Variants in CCDC112 observed in about 807,000 individuals in gnomAD.
CCDC112 encodes coiled-coil domain-containing protein 112.
CCDC112 carries 40 observed loss-of-function variants against 66.3 expected under a neutral mutation model. The ratio of observed to expected loss-of-function variants is 0.60; its 90% CI spans 0.47 to 0.79. The LOEUF (loss-of-function observed/expected upper bound fraction) is 0.79. Among genes scored for constraint, CCDC112 ranks in the 30% least tolerant of loss-of-function variants. CCDC112 has a pLI of 0.00. For synonymous variants in CCDC112, 214 were observed against 197.2 expected (o/e 1.09, Z -0.71); for missense variants, 659 against 603.8 (o/e 1.09, Z -0.96).
At chr5:115,295,635 G>A (rs1205226123) in intron 1 of CCDC112, among the ~76,000 whole-genome samples, 2 of 152,102 alleles carry the variant, frequency 1.3e-5, no homozygotes, top group African/African-American at 2.4e-5. Context: ...TACACAACAG[G>A]CATAGTTCTT....
rs572918253 is a variant in CCDC112, at chr5:115,289,126, T to C, written c.118-4218A>G. 3.7e-4 allele frequency: 83 copies of C among 222,026 alleles called. No individual in the cohort carries two copies. The South Asian group carries it at 4.9e-3, about 13-fold the overall frequency. The allele number at this position is 222,026 out of a possible 1,614,324, so 13.8% of individuals were successfully genotyped here. On this transcript the variant is annotated intron_variant, in intron 1 of 9. Coordinates refer to ENST00000379611, the MANE Select transcript of CCDC112 (RefSeq NM_001040440.3). ...CTGCAGATAAGTCTTCTTTAGTTTA[T>C]TGGTTAGCCACTTTGGCCAGTTTTC... is the stretch of plus-strand genomic sequence containing the variant.
intron 1 of CCDC112, among the ~76,000 whole-genome samples, chr5:115,286,290 C>T (rs1274609929): frequency 1.3e-5 from 2 of 152,108 alleles, no homozygotes; most frequent in African/African-American, 4.8e-5. Flanking sequence ...TATAAATGGG[C>T]TCATACAATG....
At chr5:115,274,918 T>C (rs952358030) in intron 6 of CCDC112, among the ~76,000 whole-genome samples, 4 of 152,142 alleles carry the variant, frequency 2.6e-5, no homozygotes, top group Non-Finnish European at 5.9e-5. Flanking sequence ...TTTTTCTGTA[T>C]TTTTTGTAGA....
At chr5:115,281,054 C>T (rs1452519303) in intron 2 of CCDC112, among the ~76,000 whole-genome samples, 1 of 143,820 alleles carries the variant, frequency 7.0e-6, no homozygotes, top group South Asian at 2.3e-4. Flanking sequence ...GACAGACTCT[C>T]GCTCTGTCAC....
chr5:115,286,506 G>A (rs1475530938), intron 1 of CCDC112, among the ~76,000 whole-genome samples: 1 of 152,118 alleles, frequency 6.6e-6, no homozygotes, highest in African/African-American at 2.4e-5. Context: ...CTGAACATTT[G>A]TGTACATGTT....
Position 115,284,962 on chromosome 5 carries a change from G to A in CCDC112, c.118-54C>T. ...GTAATGAAAATAGTAAGACATAAAT[G>A]TGGAATTTTTTCAGAGAGATAAAAT... is the stretch of plus-strand genomic sequence containing the variant. On this transcript the variant is annotated intron_variant, in intron 1 of 9. Coordinates refer to ENST00000379611, the MANE Select transcript of CCDC112 (RefSeq NM_001040440.3). 4 of 1,529,576 alleles carry A rather than the reference G, an allele frequency of 2.6e-6. No individual in the cohort carries two copies. The South Asian group carries it at 4.9e-5, about 19-fold the overall frequency. The allele number at this position is 1,529,576 out of a possible 1,614,324, so 94.8% of individuals were successfully genotyped here.
At chr5:115,275,111 C>A (rs1317891945) in intron 6 of CCDC112, 105 bp downstream of exon 6, 32 of 868,274 alleles carry the variant, frequency 3.7e-5, no homozygotes, top group Middle Eastern at 3.5e-4. Context: ...GAACTATAAA[C>A]ACACTTCATG....
At chr5:115,275,738 C>A in intron 5 of CCDC112, 132 bp from the exon 6 acceptor site, 1 of 748,646 alleles carries the variant, frequency 1.3e-6, no homozygotes. Flanking sequence ...TAAATTTAAG[C>A]CTTAAAAGAG....
Position 115,267,786 on chromosome 5 carries a change from T to C in CCDC112, c.*90A>G, listed in dbSNP as rs1240878290. The C allele has an allele frequency of 2.4e-5, 24 of 998,990 alleles. No individual in the cohort carries two copies. The highest frequency in any genetic ancestry group is 3.8e-5 in the Non-Finnish European group (24 of 624,222). 61.9% of individuals were successfully genotyped at this position (998,990 alleles called of 1,614,324 possible). A position where few individuals can be genotyped will look rare whatever the true frequency, so the allele number is the denominator to read the frequency against. On this transcript the variant is annotated 3_prime_UTR_variant, in exon 10 of 10. Transcript: ENST00000379611. ...CACAATAATCAATCTGACTAAGCTA[T>C]TGATATTTAAAGAATGTGGTTAGTC...
At chr5:115,289,235 G>A (rs925078755) in intron 1 of CCDC112, 2 of 172,512 alleles carry the variant, frequency 1.2e-5, no homozygotes, top group Non-Finnish European at 2.5e-5. Flanking sequence ...CTTCATTTCT[G>A]CTTTTGTAGG....
chr5:115,296,335 C>A, intron 1 of CCDC112, 92 bp downstream of exon 1: 1 of 1,375,376 alleles, frequency 7.3e-7, no homozygotes. Flanking sequence ...GAACGCCGCG[C>A]CTCCCGCCGG....
In CCDC112 at chr5:115,296,498, C is replaced by A; in HGVS notation, c.46G>T (p.Val16Leu). The A allele has an allele frequency of 1.3e-6, 2 of 1,552,472 alleles. No individual in the cohort carries two copies. The highest frequency in any genetic ancestry group is 1.7e-6 in the Non-Finnish European group (2 of 1,155,716). Residue 16 changes from valine to leucine, a missense_variant, in exon 1 of 10, where the codon GTA becomes TTA. Val to Leu is a conservative substitution (Grantham distance 32). Coordinates refer to ENST00000379611, the MANE Select transcript of CCDC112 (RefSeq NM_001040440.3). Reference sequence around the variant, plus strand: ...CCCGCCCCTGCCACAGCCCCGGCTACCGCGGTGGCCGCAGCCGCTACCACA... The same window carrying A: ...CCCGCCCCTGCCACAGCCCCGGCTAACGCGGTGGCCGCAGCCGCTACCACA... The part of the protein sequence containing the change: ...TVVVAAAATA[V>L]AGAVAGAGAA...
At chr5:115,290,983 C>T (rs562681244) in intron 1 of CCDC112, among the ~76,000 whole-genome samples, 2 of 152,116 alleles carry the variant, frequency 1.3e-5, no homozygotes, top group South Asian at 4.1e-4. Context: ...TTTTTATTTG[C>T]TCTTCTTGCC....
rs748854466 is a variant in CCDC112 at position 115,269,771 on chromosome 5, G to C, written c.1360C>G (p.Leu454Val). 1.9e-6 allele frequency: 3 copies of C among 1,575,648 alleles called. No homozygotes were observed. In the South Asian group the frequency reaches 3.5e-5, roughly 19 times the overall value. ...TCATCTTCCTTTGCCTGTCTATCTA[G>C]AATTTTCAGTTCAAGTTTATGTAAA... ...RDLHKLELKI[L>V]DRQAKEDEKS... Residue 454 changes from leucine (L) to valine (V), a missense_variant, in exon 8 of 10, where the codon CTA becomes GTA. By Grantham distance (32) the Leu-to-Val change is conservative. Transcript: ENST00000379611.
At chr5:115,280,384 A>G (rs1464499702) in intron 2 of CCDC112, 1 of 152,234 alleles carries the variant, frequency 6.6e-6, no homozygotes, top group Non-Finnish European at 1.5e-5. Flanking sequence ...CGGGTATTTA[A>G]TGACTATTGT....
chr5:115,272,602 AGAGCTG>A (rs1488531852), intron 6 of CCDC112, among the ~76,000 whole-genome samples: 2 of 152,220 alleles, frequency 1.3e-5, no homozygotes, highest in Non-Finnish European at 2.9e-5. Context: ...CAATAGCTAC[AGAGCTG>A]TCTTTACATA....
chr5:115,288,065 C>G (rs1375819996), intron 1 of CCDC112, among the ~76,000 whole-genome samples: 2 of 151,748 alleles, frequency 1.3e-5, no homozygotes, highest in African/African-American at 2.4e-5. Context: ...GCTGCAACCT[C>G]TGCCTCCCGA....
At chr5:115,268,327 G>A (rs1748842085) in intron 9 of CCDC112, among the ~76,000 whole-genome samples, 1 of 152,078 alleles carries the variant, frequency 6.6e-6, no homozygotes, top group South Asian at 2.1e-4. Flanking sequence ...TTACCCAGGT[G>A]GCACGATCTC....
At chr5:115,279,912 A>G in intron 2 of CCDC112, 144 bp from the exon 3 acceptor site, 2 of 554,986 alleles carry the variant, frequency 3.6e-6, no homozygotes, top group Non-Finnish European at 6.2e-6. Flanking sequence ...TAATAAGGCT[A>G]AGGAATCAAA....
Sources: allele counts gnomAD v4.1 joint callset (sites outside exome capture counted in the v4.1 genomes callset), GRCh38; gene constraint gnomAD v4.1.1; transcripts MANE v1.5; gene names NCBI Gene and HGNC (gene_info 2026-07-23, HGNC 2026-07-21).